The following ADGRL3 variants were observed in gnomAD, a reference collection of about 807,000 sequenced individuals.
The protein encoded by ADGRL3 is calcium-independent alpha-latrotoxin receptor 3.
ADGRL3 carries 62 observed loss-of-function variants against 153.5 expected under a neutral mutation model. That is an observed-to-expected ratio of 0.40 (90% CI 0.33 to 0.50). The LOEUF (loss-of-function observed/expected upper bound fraction) is 0.50. ADGRL3 is among the 20% of genes least tolerant of loss of function. ADGRL3 has a pLI of 0.47. For missense variants in ADGRL3, 1,641 were observed against 1,859.4 expected, an observed-to-expected ratio of 0.88 and a Z score of 2.16; for synonymous variants, 710 against 672.5, an observed-to-expected ratio of 1.06 and a Z score of -0.86.
At chr4:61,775,222 CTTTT>C (rs200429980) in intron 8 of ADGRL3, among the ~76,000 whole-genome samples, 1 of 139,196 alleles carries the variant, frequency 7.2e-6, no homozygotes, top group Admixed American at 7.3e-5. Flanking sequence ...CCTATGACAG[CTTTT>C]TTTTTTTTTT....
rs901824180 is a variant in ADGRL3 at position 61,996,230 on chromosome 4, T to G, written c.3237-61T>G. ...ACATTCTTCTCTGTCACAGGTTCACTCTTGATGTATGTCCCATACCCAGTC... is the reference window on the plus strand; with the variant it reads ...ACATTCTTCTCTGTCACAGGTTCACGCTTGATGTATGTCCCATACCCAGTC... On this transcript the variant is annotated intron_variant, in intron 19 of 26. Coordinates refer to ENST00000683033, the MANE Select transcript of ADGRL3 (RefSeq NM_001387552.1). The G allele has an allele frequency of 4.8e-6, 5 of 1,049,108 alleles. No homozygotes were observed. The African/African-American group carries it at 7.9e-5, about 17-fold the overall frequency. 65.0% of individuals were successfully genotyped at this position (1,049,108 alleles called of 1,614,324 possible). A position where few individuals can be genotyped will look rare whatever the true frequency, so the allele number is the denominator to read the frequency against.
intron 1 of ADGRL3, among the ~76,000 whole-genome samples, chr4:61,250,939 A>G (rs746559040): frequency 1.3e-5 from 2 of 152,238 alleles, no homozygotes; most frequent in Non-Finnish European, 2.9e-5. Flanking sequence ...CTGGAGCAAG[A>G]GATCATTAAA....
At chr4:61,946,554 A>G (rs2098925420) in intron 15 of ADGRL3, among the ~76,000 whole-genome samples, 1 of 152,186 alleles carries the variant, frequency 6.6e-6, no homozygotes, top group South Asian at 2.1e-4. Context: ...TTTATGATAA[A>G]TGTTTTGGAG....
rs1560622534 is a variant in ADGRL3, at chr4:61,432,573, C to CTTTTTCTTTCTTTTT, written c.-174+49384_-174+49385insTTTTTCTTTCTTTTT. Reference sequence around the variant, plus strand: ...TTTATAGATTTCTTTTCTTTCTCTTCCTTTCTTTCTTTCTTTCTTTCTTTC... The same window carrying CTTTTTCTTTCTTTTT: ...TTTATAGATTTCTTTTCTTTCTCTTCTTTTTCTTTCTTTTTCTTTCTTTCTTTCTTTCTTTCTTTC... On this transcript the variant is annotated intron_variant, in intron 2 of 26. Transcript: ENST00000683033. 8.4e-5 allele frequency among the ~76,000 whole-genome samples: 3 copies of CTTTTTCTTTCTTTTT among 35,864 alleles called. 1 individual carries two copies. 23.5% of individuals were successfully genotyped at this position (35,864 alleles called of 152,430 possible).
At chr4:61,230,293 T>G (rs1008530086) in intron 1 of ADGRL3, among the ~76,000 whole-genome samples, 12 of 152,186 alleles carry the variant, frequency 7.9e-5, no homozygotes, top group South Asian at 2.1e-4. Flanking sequence ...TGTATTACAC[T>G]TGAGTTCTTT....
intron 4 of ADGRL3, among the ~76,000 whole-genome samples, chr4:61,557,818 T>TTTTG (rs1400402107): frequency 2.6e-5 from 4 of 151,604 alleles, no homozygotes; most frequent in Admixed American, 1.3e-4. Flanking sequence ...GTTTGATTGG[T>TTTTG]TTTGTTTGTT....
intron 6 of ADGRL3, among the ~76,000 whole-genome samples, chr4:61,726,541 A>G (rs185824615): frequency 6.6e-6 from 1 of 152,026 alleles, no homozygotes; most frequent in Admixed American, 6.6e-5. Context: ...GGGATCTTCA[A>G]CCTATAGTAT....
chr4:62,061,115 G>T (rs893194892), intron 25 of ADGRL3, among the ~76,000 whole-genome samples: 1 of 151,792 alleles, frequency 6.6e-6, no homozygotes, highest in African/African-American at 2.4e-5. Context: ...AATTTACTCT[G>T]ACAAAGAGTT....
chr4:61,722,765 A>G (rs939474205), intron 6 of ADGRL3, among the ~76,000 whole-genome samples: 3 of 152,152 alleles, frequency 2.0e-5, no homozygotes, highest in Non-Finnish European at 4.4e-5. Context: ...TGGAATGCCA[A>G]TTAATCTAAA....
At chr4:61,678,349 T>G (rs540299625) in intron 6 of ADGRL3, among the ~76,000 whole-genome samples, 1 of 152,114 alleles carries the variant, frequency 6.6e-6, no homozygotes, top group African/African-American at 2.4e-5. Flanking sequence ...TGTTCATATT[T>G]TGAAATATAA....
Position 61,597,701 on chromosome 4 carries a change from C to A in ADGRL3, c.473+10261C>A, listed in dbSNP as rs549503777. Among the ~76,000 whole-genome samples the A allele has an allele frequency of 2.0e-5, 3 of 150,572 alleles. No individual in the cohort carries two copies. The South Asian group carries it at 6.4e-4, about 32-fold the overall frequency. On this transcript the variant is annotated intron_variant, in intron 5 of 26. Transcript: ENST00000683033. ...TTTACAACTATACACGTGAAGTCCA[C>A]CAAAGCCTGGATATATGGTATAGCC...
chr4:62,045,330 G>T (rs1307911868), intron 25 of ADGRL3, among the ~76,000 whole-genome samples: 2 of 151,882 alleles, frequency 1.3e-5, no homozygotes, highest in Non-Finnish European at 2.9e-5. Context: ...TGCAACATTT[G>T]TGGAGACCAA....
At chr4:61,906,242 A>T (rs2098695058) in intron 11 of ADGRL3, 1 of 152,068 alleles carries the variant, frequency 6.6e-6, no homozygotes, top group Non-Finnish European at 1.5e-5. Context: ...TCAACAATAT[A>T]TCCTGAAGAC....
At chr4:61,251,143 C>T (rs888905669) in intron 1 of ADGRL3, among the ~76,000 whole-genome samples, 6 of 152,146 alleles carry the variant, frequency 3.9e-5, no homozygotes, top group African/African-American at 1.2e-4. Context: ...GAGTGCTTGT[C>T]TCTGCTCCAT....
At chr4:61,400,733 G>A (rs1190113112) in intron 2 of ADGRL3, among the ~76,000 whole-genome samples, 2 of 150,288 alleles carry the variant, frequency 1.3e-5, no homozygotes, top group Non-Finnish European at 3.0e-5. Context: ...AGTCCTGTGT[G>A]AAGGCATTAC....
rs77470127 is a variant in ADGRL3, at chr4:61,730,283, G to A, written c.584-339G>A. Among the ~76,000 whole-genome samples the A allele has an allele frequency of 3.9e-3, 599 of 151,934 alleles. 3 individuals are homozygous for A. The highest frequency in any genetic ancestry group is 0.014 in the African/African-American group (562 of 41,534). ...TGAAAGCTTTCTTTGTATAATTGCC[G>A]ACCTGCCTTTCCAATGGAAATATTG... On this transcript the variant is annotated intron_variant, in intron 6 of 26. Transcript: ENST00000683033.
intron 9 of ADGRL3, among the ~76,000 whole-genome samples, chr4:61,825,566 C>T (rs1448170283): frequency 6.6e-6 from 1 of 151,962 alleles, no homozygotes; most frequent in Non-Finnish European, 1.5e-5. Flanking sequence ...TTGTGAATGG[C>T]TATATACTAA....
At chr4:61,204,985 A>G (rs1299287267) in intron 1 of ADGRL3, among the ~76,000 whole-genome samples, 4 of 152,196 alleles carry the variant, frequency 2.6e-5, no homozygotes, top group East Asian at 1.9e-4. Flanking sequence ...TCTTTTCCAC[A>G]GGGAATAATA....
intron 1 of ADGRL3, among the ~76,000 whole-genome samples, chr4:61,373,084 G>A (rs1220446923): frequency 6.6e-6 from 1 of 152,064 alleles, no homozygotes; most frequent in African/African-American, 2.4e-5. Context: ...GCCCTGCTTC[G>A]GCTCGTGCAG....
Sources: gnomAD v4.1 joint callset for allele counts (sites outside exome capture counted in the v4.1 genomes callset) on GRCh38, gnomAD v4.1.1 for gene constraint, MANE v1.5 for transcripts, NCBI Gene and HGNC (gene_info 2026-07-23, HGNC 2026-07-21) for gene names.